The following KLHL7 variants were observed in gnomAD, a reference collection of about 807,000 sequenced individuals.
KLHL7 encodes the protein kelch like family member 7.
In KLHL7, 44 loss-of-function variants were observed where a neutral mutation model predicts 67.4. That is an observed-to-expected ratio of 0.65 (90% confidence interval 0.51 to 0.84). KLHL7 has a LOEUF of 0.84. KLHL7 is among the 40% of genes least tolerant of loss of function. The pLI, the probability that KLHL7 is intolerant of heterozygous loss-of-function variation, is 0.00. For synonymous variants in KLHL7, 252 were observed against 243.3 expected (o/e 1.04, Z -0.33); for missense variants, 362 against 718.1 (o/e 0.50, Z 5.67).
At position 23,174,321 on chromosome 7, in the gene KLHL7, A is replaced by G. The variant is rs371098593; in HGVS notation, c.*23A>G. On this transcript the variant is annotated 3_prime_UTR_variant, in exon 11 of 11. Transcript: ENST00000339077. ...TGAAAAATGAGTGGACTTCAGACTC[A>G]TCAGAGACTCTAAAATATAGCCACC... The G allele has an allele frequency of 8.1e-6, 13 of 1,596,894 alleles. No homozygotes were observed. Among genetic ancestry groups the G allele is most frequent in the Non-Finnish European group, 1.1e-5 (13 of 1,177,950 alleles).
intron 7 of KLHL7, 139 bp from the exon 8 acceptor site, chr7:23,165,559 A>G (rs1784978625): frequency 9.8e-7 from 1 of 1,018,372 alleles, no homozygotes; most frequent in Non-Finnish European, 1.5e-6. Context: ...TAAATTGGTA[A>G]TAGTCTCAAG....
chr7:23,107,468 T>C (rs966025264), intron 1 of KLHL7, among the ~76,000 whole-genome samples: 3 of 152,218 alleles, frequency 2.0e-5, no homozygotes, highest in African/African-American at 7.2e-5. Context: ...ATATATGTTT[T>C]CATTCGTGGA....
In KLHL7 at chr7:23,105,959, G is replaced by T. The variant is rs921212991; in HGVS notation, c.-68G>T. Reference sequence around the variant, plus strand: ...CCGTGTTTGGTCGATAGAATCCCCAGTGTGCCCAGAGAGTGCGACCCCTCG... The same window carrying T: ...CCGTGTTTGGTCGATAGAATCCCCATTGTGCCCAGAGAGTGCGACCCCTCG... On this transcript the variant is annotated 5_prime_UTR_variant, in exon 1 of 11. Coordinates refer to ENST00000339077, the MANE Select transcript of KLHL7 (RefSeq NM_001031710.3). The T allele has an allele frequency of 9.5e-6, 15 of 1,575,512 alleles. No homozygotes were observed. In the African/African-American group the frequency reaches 1.7e-4, roughly 18 times the overall value.
intron 8 of KLHL7, among the ~76,000 whole-genome samples, chr7:23,167,151 C>T (rs1020596837): frequency 6.6e-6 from 1 of 151,638 alleles, no homozygotes; most frequent in African/African-American, 2.4e-5. Context: ...AAAAAAAGCA[C>T]TTAAACTTTA....
At chr7:23,172,701 G>A (rs1785199542) in intron 9 of KLHL7, 1 of 346,638 alleles carries the variant, frequency 2.9e-6, no homozygotes, top group Admixed American at 4.3e-5. Flanking sequence ...TTTTTTAATA[G>A]ATATCCTCAT....
intron 6 of KLHL7, among the ~76,000 whole-genome samples, chr7:23,151,864 A>G (rs1022426504): frequency 8.8e-6 from 1 of 114,120 alleles, no homozygotes; most frequent in African/African-American, 6.2e-5. Context: ...AATAATGGTG[A>G]TTGCTGAGAA....
chr7:23,161,645 G>A (rs1003625248), intron 7 of KLHL7, among the ~76,000 whole-genome samples: 2 of 152,152 alleles, frequency 1.3e-5, no homozygotes, highest in Non-Finnish European at 2.9e-5. Context: ...GGTTTTCAGT[G>A]GTGCAGCCAC....
chr7:23,123,873 T>A lies in KLHL7; in HGVS notation c.217T>A (p.Phe73Ile), dbSNP rs1783452508. 6.3e-7 allele frequency: 1 copy of A among 1,598,870 alleles called. No individual in the cohort carries two copies. The highest frequency in any genetic ancestry group is 1.7e-5 in the Admixed American group (1 of 59,980). The stretch of plus-strand genomic sequence containing the variant: ...AGCCAGTCATTTTTTTAACTTAATG[T>A]TCACAAGTAAGTATCTTAAGGTAAA... ...AAASHFFNLM[F>I]TTNMLESKSF... The change falls in exon 2 of 11, where the codon TTC (phenylalanine) becomes ATC (isoleucine). Residue 73 changes from phenylalanine to isoleucine, a missense_variant. Transcript: ENST00000339077.
At chr7:23,151,949 A>C in intron 6 of KLHL7, 118 bp from the exon 7 acceptor site, 9 of 918,406 alleles carry the variant, frequency 9.8e-6, no homozygotes, top group Non-Finnish European at 1.6e-5. Context: ...CAAATGCTAT[A>C]GAGATATCAT....
chr7:23,152,296 T>C, intron 7 of KLHL7, 87 bp downstream of exon 7: 2 of 1,190,228 alleles, frequency 1.7e-6, no homozygotes, highest in African/African-American at 1.5e-5. Flanking sequence ...TAGTAATAAC[T>C]CATACCTTTA....
chr7:23,140,892 G>A lies in KLHL7; in HGVS notation c.566G>A (p.Arg189Gln), dbSNP rs749844300. The change falls in exon 5 of 11, where the codon CGA (arginine) becomes CAA (glutamine). Residue 189 changes from arginine (R) to glutamine (Q), a missense_variant. Arg to Gln is a conservative substitution (Grantham distance 43). Transcript: ENST00000339077. Reference sequence around the variant, plus strand: ...GAATTTCTTCAACTTGATGTCAAGCGAGTAACACATCTTCTCAACCAGGAC... The same window carrying A: ...GAATTTCTTCAACTTGATGTCAAGCAAGTAACACATCTTCTCAACCAGGAC... ...TDEFLQLDVK[R>Q]VTHLLNQDTL... 1 of 1,614,016 alleles carries A rather than the reference G, an allele frequency of 6.2e-7. No individual in the cohort carries two copies.
At chr7:23,166,634 A>T (rs1785010788) in intron 8 of KLHL7, among the ~76,000 whole-genome samples, 1 of 152,184 alleles carries the variant, frequency 6.6e-6, no homozygotes, top group Non-Finnish European at 1.5e-5. Flanking sequence ...TGGTCTGCAT[A>T]CTTATGTTTT....
intron 1 of KLHL7, among the ~76,000 whole-genome samples, chr7:23,113,261 T>C (rs1782950227): frequency 1.3e-5 from 2 of 152,220 alleles, no homozygotes; most frequent in African/African-American, 4.8e-5. Flanking sequence ...TTGAAGATTC[T>C]TTTGACATTG....
chr7:23,171,748 C>T (rs1014712797), intron 9 of KLHL7, among the ~76,000 whole-genome samples: 1 of 152,220 alleles, frequency 6.6e-6, no homozygotes, highest in African/African-American at 2.4e-5. Context: ...CTGCCTCTGT[C>T]GCCCAGGCTG....
intron 4 of KLHL7, among the ~76,000 whole-genome samples, chr7:23,132,960 T>C (rs1450010374): frequency 6.6e-6 from 1 of 152,132 alleles, no homozygotes; most frequent in Non-Finnish European, 1.5e-5. Context: ...GTAGGTGTGT[T>C]GATTTGTTTC....
At chr7:23,116,488 C>T (rs1783094995) in intron 1 of KLHL7, among the ~76,000 whole-genome samples, 2 of 152,272 alleles carry the variant, frequency 1.3e-5, no homozygotes, top group African/African-American at 2.4e-5. Context: ...CAGGCAGCCT[C>T]AGCTGACTTG....
intron 4 of KLHL7, among the ~76,000 whole-genome samples, chr7:23,126,433 G>GT (rs1190453172): frequency 9.2e-5 from 14 of 152,108 alleles, no homozygotes; most frequent in South Asian, 2.1e-4. Context: ...AAGAGCGCTG[G>GT]TATAGGAGTG....
intron 7 of KLHL7, among the ~76,000 whole-genome samples, chr7:23,153,665 G>C (rs975260361): frequency 1.3e-5 from 2 of 152,118 alleles, no homozygotes; most frequent in Admixed American, 6.5e-5. Context: ...CCAGAATTTG[G>C]GGCATGCTCT....
At chr7:23,165,475 A>T (rs575311315) in intron 7 of KLHL7, among the ~76,000 whole-genome samples, 64 of 152,322 alleles carry the variant, frequency 4.2e-4, no homozygotes, top group Non-Finnish European at 5.6e-4. Context: ...GCCAGAAAGG[A>T]CCCAAAGCAG....
Sources: allele counts gnomAD v4.1 joint callset (sites outside exome capture counted in the v4.1 genomes callset), GRCh38; gene constraint gnomAD v4.1.1; transcripts MANE v1.5; gene names NCBI Gene and HGNC (gene_info 2026-07-23, HGNC 2026-07-21).